The following DAB1 variants were observed in gnomAD, a reference collection of about 807,000 sequenced individuals.
DAB1 encodes DAB adaptor protein 1.
DAB1 carries 15 observed loss-of-function variants against 64.6 expected under a neutral mutation model. That is an observed-to-expected ratio of 0.23 (90% CI 0.16 to 0.36). The LOEUF is 0.36. Ranked by LOEUF, DAB1 falls within the 10% of genes least tolerant of loss-of-function variation. The probability of loss-of-function intolerance (pLI) is 1.00; values close to 1 mark genes in which losing one functional copy is unlikely to be tolerated. For synonymous variants in DAB1, 235 were observed against 251.9 expected (o/e 0.93, Z 0.64); for missense variants, 596 against 706.7 (o/e 0.84, Z 1.78).
chr1:58,219,235 G>C (rs1659030327), intron 4 of DAB1, among the ~76,000 whole-genome samples: 1 of 151,888 alleles, frequency 6.6e-6, no homozygotes, highest in Non-Finnish European at 1.5e-5. Flanking sequence ...GGAAGCTGTT[G>C]ATGCATTCTC....
chr1:57,652,039 AAGCTAATG>A (rs1399059710), intron 6 of DAB1, among the ~76,000 whole-genome samples: 1 of 152,170 alleles, frequency 6.6e-6, no homozygotes, highest in African/African-American at 2.4e-5. Context: ...CACCTTTGTA[AAGCTAATG>A]AGAAACCAGA....
chr1:57,271,358 T>C (rs1406517674), intron 2 of DAB1, among the ~76,000 whole-genome samples: 1 of 152,242 alleles, frequency 6.6e-6, no homozygotes, highest in Non-Finnish European at 1.5e-5. Flanking sequence ...TGGTGTTTAC[T>C]GTATTTTGAA....
chr1:57,370,953 G>A (rs1331546342), intron 1 of DAB1, among the ~76,000 whole-genome samples: 1 of 152,186 alleles, frequency 6.6e-6, no homozygotes, highest in African/African-American at 2.4e-5. Context: ...CTTGGGAATG[G>A]CTGCTGTCCC....
At chr1:57,403,878 C>G (rs2101038221) in intron 1 of DAB1, among the ~76,000 whole-genome samples, 1 of 152,242 alleles carries the variant, frequency 6.6e-6, no homozygotes, top group Admixed American at 6.5e-5. Context: ...AGCTACATTT[C>G]AAATACTCAA....
chr1:57,885,126 T>A (rs763821580), upstream of DAB1, among the ~76,000 whole-genome samples: 6 of 152,256 alleles, frequency 3.9e-5, no homozygotes, highest in Non-Finnish European at 8.8e-5. Flanking sequence ...ATCACAGATC[T>A]TTATCTCAAT....
chr1:57,758,699 A>G lies in DAB1; in HGVS notation n.552-109034T>C, dbSNP rs140609208. Among the ~76,000 whole-genome samples the G allele has an allele frequency of 2.2e-3, 337 of 152,306 alleles. 3 individuals carry two copies. Among genetic ancestry groups the G allele is most frequent in the Middle Eastern group, 6.8e-3 (2 of 294 alleles). On this transcript the variant is annotated intron_variant and non_coding_transcript_variant, in intron 6 of 20. Coordinates refer to the DAB1 transcript ENST00000485760. Reference sequence around the variant, plus strand: ...TTTTAACAGGCCATAGAAATTCACAATCAAAATTTCAAAGCTAAAAATACA... The same window carrying G: ...TTTTAACAGGCCATAGAAATTCACAGTCAAAATTTCAAAGCTAAAAATACA...
intron 2 of DAB1, among the ~76,000 whole-genome samples, chr1:57,236,472 C>T (rs954300748): frequency 1.3e-5 from 2 of 151,942 alleles, no homozygotes. Flanking sequence ...GCACAAAGAA[C>T]GTGAAAAGGA....
intron 9 of DAB1, among the ~76,000 whole-genome samples, chr1:57,051,435 A>C (rs183673919): frequency 1.3e-5 from 2 of 152,338 alleles, no homozygotes; most frequent in African/African-American, 4.8e-5. Flanking sequence ...ATTTGCCATA[A>C]AAGATGGGAG....
intron 6 of DAB1, among the ~76,000 whole-genome samples, chr1:57,814,687 T>C (rs1323888106): frequency 6.6e-6 from 1 of 152,212 alleles, no homozygotes; most frequent in African/African-American, 2.4e-5. Context: ...CTTCCTGTTA[T>C]CAAGGGCAAT....
intron 7 of DAB1, among the ~76,000 whole-genome samples, chr1:57,628,287 C>T (rs1012096965): frequency 2.0e-5 from 3 of 152,172 alleles, no homozygotes; most frequent in Non-Finnish European, 4.4e-5. Context: ...ATATGCTGCA[C>T]AAGTGTTAGC....
intron 2 of DAB1, among the ~76,000 whole-genome samples, chr1:57,226,835 A>G (rs1036477759): frequency 6.6e-6 from 1 of 151,886 alleles, no homozygotes; most frequent in African/African-American, 2.4e-5. Context: ...TCCAAAGCCC[A>G]TACTCTAAAT....
chr1:57,179,415 A>G (rs553065686), intron 2 of DAB1, among the ~76,000 whole-genome samples: 1 of 152,356 alleles, frequency 6.6e-6, no homozygotes, highest in Non-Finnish European at 1.5e-5. Context: ...AGCAGAGCTC[A>G]GGGAGGGACA....
intron 4 of DAB1, among the ~76,000 whole-genome samples, chr1:58,179,940 AC>A (rs1393411133): frequency 1.3e-4 from 20 of 152,134 alleles, no homozygotes; most frequent in Admixed American, 3.9e-4. Flanking sequence ...CAATAAAAAA[AC>A]AACACTATAA....
intron 1 of DAB1, among the ~76,000 whole-genome samples, chr1:57,837,789 A>ACCTC (rs1557508864): frequency 7.1e-6 from 1 of 140,310 alleles, no homozygotes; most frequent in Non-Finnish European, 1.5e-5. Context: ...CACCACCTTC[A>ACCTC]CCACCCCCAC....
intron 3 of DAB1, among the ~76,000 whole-genome samples, chr1:58,430,511 C>A (rs927894858): frequency 6.6e-6 from 1 of 152,062 alleles, no homozygotes; most frequent in African/African-American, 2.4e-5. Context: ...CTCTGTGGCG[C>A]CAGAAGTGCC....
chr1:57,958,226 C>T (rs1206320173), intron 5 of DAB1, among the ~76,000 whole-genome samples: 1 of 152,080 alleles, frequency 6.6e-6, no homozygotes, highest in Non-Finnish European at 1.5e-5. Flanking sequence ...GATCCACCTG[C>T]CTCGGCCTCC....
At chr1:57,281,731 A>G (rs648607) in intron 2 of DAB1, among the ~76,000 whole-genome samples, 75,258 of 151,928 alleles carry the variant, frequency 0.5, 18,913 homozygotes, top group Admixed American at 0.64. Context: ...AAAACCTGAA[A>G]ACCATTTAGG....
At chr1:57,094,719 C>T (rs1395882855) in intron 4 of DAB1, among the ~76,000 whole-genome samples, 1 of 152,018 alleles carries the variant, frequency 6.6e-6, no homozygotes, top group Non-Finnish European at 1.5e-5. Flanking sequence ...ATGAGTAGAC[C>T]CACTGAAGGA....
At chr1:57,670,843 C>G (rs1024002685) in intron 6 of DAB1, among the ~76,000 whole-genome samples, 1 of 152,134 alleles carries the variant, frequency 6.6e-6, no homozygotes, top group African/African-American at 2.4e-5. Flanking sequence ...AGAGTTGTCC[C>G]TTGGGATCCA....
Sources: allele counts gnomAD v4.1 joint callset (sites outside exome capture counted in the v4.1 genomes callset), GRCh38; gene constraint gnomAD v4.1.1; transcripts MANE v1.5; gene names NCBI Gene and HGNC (gene_info 2026-07-23, HGNC 2026-07-21).